The following PACS2 variants were observed in gnomAD, a reference collection of about 807,000 sequenced individuals.
PACS2 encodes the protein phosphofurin acidic cluster sorting protein 2.
In PACS2, 36 loss-of-function variants were observed where a neutral mutation model predicts 113.0. The observed-to-expected ratio is 0.32, with a 90% confidence interval of 0.24 to 0.42. The LOEUF is 0.42. Ranked by LOEUF, PACS2 falls within the 10% of genes least tolerant of loss-of-function variation. PACS2 has a pLI of 1.00. For missense variants in PACS2, 1,015 were observed against 1,239.5 expected (o/e 0.82, Z 2.72); for synonymous variants, 589 against 536.1 (o/e 1.10, Z -1.36).
chr14:105,315,198 C>A lies in PACS2; in HGVS notation c.119+161C>A. 7.4e-6 allele frequency: 2 copies of A among 269,006 alleles called. 1 individual carries two copies. 16.7% of individuals were successfully genotyped at this position (269,006 alleles called of 1,614,324 possible). ...TTCGACGCGTGCAGCCGCCGCCCCC[C>A]CGCAGCTCCGGCAAGCGCGGCCCCA... is the stretch of plus-strand genomic sequence containing the variant. On this transcript the variant is annotated intron_variant, in intron 1 of 24. Coordinates refer to ENST00000447393, the MANE Select transcript of PACS2 (RefSeq NM_001100913.3). The surrounding 1 kb of genome is among the most constrained non-coding windows in gnomAD (Gnocchi z 4.4).
At chr14:105,392,981 G>C (rs895776455) in intron 23 of PACS2, 136 bp downstream of exon 23, 13 of 724,084 alleles carry the variant, frequency 1.8e-5, no homozygotes, top group African/African-American at 3.5e-5. Context: ...GGCGGGTGGG[G>C]TGAGGGAGCC....
chr14:105,326,040 A>C (rs2059089594), intron 1 of PACS2, among the ~76,000 whole-genome samples: 1 of 152,260 alleles, frequency 6.6e-6, no homozygotes, highest in African/African-American at 2.4e-5. Flanking sequence ...CTGACCTTGC[A>C]GGAGGCATTG....
At chr14:105,325,173 G>GC (rs1436399225) in intron 1 of PACS2, among the ~76,000 whole-genome samples, 1 of 151,098 alleles carries the variant, frequency 6.6e-6, no homozygotes, top group African/African-American at 2.5e-5. Flanking sequence ...GTGGGACGGG[G>GC]GGGGGCTCGG....
intron 5 of PACS2, among the ~76,000 whole-genome samples, 194 bp downstream of exon 5, chr14:105,367,569 C>G: frequency 6.6e-6 from 1 of 152,248 alleles, no homozygotes; most frequent in East Asian, 1.9e-4. Flanking sequence ...CCACAGGTCC[C>G]TGTTCTGCCC....
At chr14:105,319,009 A>G (rs4255724) in intron 1 of PACS2, among the ~76,000 whole-genome samples, 112,216 of 151,046 alleles carry the variant, frequency 0.74, 43,177 homozygotes, top group East Asian at 1. Context: ...GTGCAGTGGC[A>G]CGATCTCAGC....
At chr14:105,320,730 T>A (rs929629688) in intron 1 of PACS2, among the ~76,000 whole-genome samples, 1 of 152,248 alleles carries the variant, frequency 6.6e-6, no homozygotes, top group African/African-American at 2.4e-5. Context: ...CTGTAGTCCT[T>A]AGCAGATTTT....
intron 2 of PACS2, among the ~76,000 whole-genome samples, chr14:105,349,858 C>T (rs1254078906): frequency 4.2e-5 from 6 of 142,920 alleles, no homozygotes; most frequent in Non-Finnish European, 8.9e-5. Context: ...ATGCAGGACC[C>T]GGAGAACTTC....
chr14:105,318,050 C>T (rs1413282610), intron 1 of PACS2, among the ~76,000 whole-genome samples: 2 of 152,252 alleles, frequency 1.3e-5, no homozygotes, highest in Non-Finnish European at 2.9e-5. Flanking sequence ...TGAGCGCCCC[C>T]ACCTGCTCTT....
In PACS2 at chr14:105,323,931, G is replaced by T. The variant is rs1023966942; in HGVS notation, c.119+8894G>T. ...GTGGCCTGCACGGTGCGTGCACACC[G>T]CTCTGTCCGCGCAGGCTGTGCCCTG... On this transcript the variant is annotated intron_variant, in intron 1 of 24. Transcript: ENST00000447393. This position sits in a 1 kb window ranked among gnomAD's most constrained non-coding sequence, Gnocchi z 4.1. Among the ~76,000 whole-genome samples the T allele has an allele frequency of 6.6e-6, 1 of 152,256 alleles. No homozygotes were observed. Among genetic ancestry groups the T allele is most frequent in the Admixed American group, 6.5e-5 (1 of 15,292 alleles).
intron 3 of PACS2, among the ~76,000 whole-genome samples, chr14:105,353,833 C>T (rs2060327781): frequency 6.6e-6 from 1 of 152,160 alleles, no homozygotes; most frequent in African/African-American, 2.4e-5. Flanking sequence ...ACTGCATGAT[C>T]TGCCTGCCTC....
Position 105,376,647 on chromosome 14 carries a change from A to C in PACS2, c.802-121A>C. 1.2e-6 allele frequency: 1 copy of C among 809,946 alleles called. No homozygotes were observed. The highest frequency in any genetic ancestry group is 2.0e-6 in the Non-Finnish European group (1 of 512,122). 50.2% of individuals were successfully genotyped at this position (809,946 alleles called of 1,614,324 possible). On this transcript the variant is annotated intron_variant, in intron 8 of 24. Transcript: ENST00000447393. The surrounding 1 kb of genome is among the most constrained non-coding windows in gnomAD (Gnocchi z 4.7). ...GCTGGACTACAGCCGTGCTGAGTGG[A>C]GGGGTTTGGTGGCTGGGTGCCCGCC...
At chr14:105,369,805 G>C in intron 7 of PACS2, 36 bp from the exon 8 acceptor site, 1 of 1,527,056 alleles carries the variant, frequency 6.5e-7, no homozygotes, top group Non-Finnish European at 8.8e-7. Flanking sequence ...CTGCAGCTCT[G>C]GCGGCGGCTC....
At chr14:105,391,516 A>G (rs1476421129) in intron 21 of PACS2, 115 bp from the exon 22 acceptor site, 3 of 453,620 alleles carry the variant, frequency 6.6e-6, no homozygotes, top group Non-Finnish European at 1.2e-5. Context: ...GGGGACTCCC[A>G]CCCTGCCCAC....
At chr14:105,368,595 TG>T in intron 7 of PACS2, 56 bp downstream of exon 7, 1 of 1,354,672 alleles carries the variant, frequency 7.4e-7, no homozygotes, top group Non-Finnish European at 1.1e-6. Context: ...GGGAGGACGC[TG>T]GGAGCCTGGG....
Position 105,307,052 on chromosome 14 carries a change from C to CT in PACS2, c.-83+6083dup, listed in dbSNP as rs1452872732. 3.2e-3 allele frequency among the ~76,000 whole-genome samples: 474 copies of CT among 147,564 alleles called. 3 individuals are homozygous for CT. Among genetic ancestry groups the CT allele is most frequent in the South Asian group, 2.8e-3 (13 of 4,614 alleles). ...TATTTACTTTATTTTTTCTTTTTTT[C>CT]TTTTTTTTTTGAGGCAGGGTCTCAC... On this transcript the variant is annotated intron_variant, in intron 1 of 23. Coordinates refer to the PACS2 transcript ENST00000430725.
At chr14:105,386,908 C>T (rs1323494692) in intron 19 of PACS2, among the ~76,000 whole-genome samples, 2 of 152,188 alleles carry the variant, frequency 1.3e-5, no homozygotes, top group East Asian at 1.9e-4. Flanking sequence ...GGCTGTGGCA[C>T]GAGGAGCCTG....
intron 8 of PACS2, chr14:105,370,701 A>G (rs2061117217): frequency 6.6e-6 from 1 of 152,288 alleles, no homozygotes; most frequent in Non-Finnish European, 1.5e-5. Flanking sequence ...CTCAAAAGAA[A>G]AAACTTCAAA....
rs1555411865 is a variant in PACS2, at chr14:105,381,026, G to C, written c.1195G>C (p.Asp399His). 1 of 1,612,602 alleles carries C rather than the reference G, an allele frequency of 6.2e-7. No homozygotes were observed. Among genetic ancestry groups the C allele is most frequent in the Admixed American group, 1.7e-5 (1 of 59,978 alleles). The change falls in exon 12 of 25, where the codon GAT becomes CAT. Residue 399 changes from aspartate (D) to histidine (H), a missense_variant. Transcript: ENST00000447393. ...DSPEAEASTLDVFTERLPPSG... is the reference protein window; with the variant it reads ...DSPEAEASTLHVFTERLPPSG... ...CCCCGAGGCTGAGGCCTCCACCCTG[G>C]ATGTGTTCACGGAGAGGCTGCCGCC...
intron 17 of PACS2, 145 bp downstream of exon 17, chr14:105,384,608 C>T: frequency 3.2e-6 from 2 of 629,264 alleles, no homozygotes; most frequent in Non-Finnish European, 5.6e-6. Context: ...GGGGCCTTGG[C>T]CAGGATGCCT....
Sources: gnomAD v4.1 joint callset for allele counts (sites outside exome capture counted in the v4.1 genomes callset) on GRCh38, gnomAD v4.1.1 for gene constraint, Gnocchi (gnomAD v3.1) non-coding constraint, MANE v1.5 for transcripts, NCBI Gene and HGNC (gene_info 2026-07-23, HGNC 2026-07-21) for gene names.